The following SHANK2 variants were observed in gnomAD, a reference collection of about 807,000 sequenced individuals.
The protein encoded by SHANK2 is SH3 and multiple ankyrin repeat domains protein 2.
Under a neutral mutation model 133.7 loss-of-function variants are expected in SHANK2, and 43 were observed. That is an observed-to-expected ratio of 0.32 (90% CI 0.25 to 0.41). The LOEUF (loss-of-function observed/expected upper bound fraction) is 0.41. Among genes scored for constraint, SHANK2 ranks in the 10% least tolerant of loss-of-function variants. The pLI, the probability that SHANK2 is intolerant of heterozygous loss-of-function variation, is 1.00. For synonymous variants in SHANK2, 1,017 were observed against 952.8 expected (o/e 1.07, Z -1.24); for missense variants, 1,994 against 2,235.8 (o/e 0.89, Z 2.18).
chr11:70,545,371 T>C (rs1554976119), intron 17 of SHANK2, among the ~76,000 whole-genome samples: 1 of 152,144 alleles, frequency 6.6e-6, no homozygotes, highest in East Asian at 1.9e-4. Context: ...TTGCTGGCCC[T>C]GGGGTGGGGC....
At chr11:70,824,209 C>T (rs1948601480) in intron 11 of SHANK2, among the ~76,000 whole-genome samples, 2 of 151,952 alleles carry the variant, frequency 1.3e-5, no homozygotes, top group African/African-American at 4.8e-5. Context: ...ACAGGGCAGC[C>T]CTGGAGACAG....
intron 14 of SHANK2, among the ~76,000 whole-genome samples, chr11:70,774,090 A>G (rs1555043403): frequency 6.6e-6 from 1 of 152,246 alleles, no homozygotes; most frequent in Non-Finnish European, 1.5e-5. Context: ...GAAACAAAGT[A>G]TGGTATAACC....
chr11:71,074,618 G>A (rs895428253), intron 9 of SHANK2, among the ~76,000 whole-genome samples: 2 of 152,104 alleles, frequency 1.3e-5, no homozygotes, highest in African/African-American at 2.4e-5. Context: ...CAGACAATGC[G>A]AGCTATTTTG....
intron 11 of SHANK2, among the ~76,000 whole-genome samples, chr11:70,844,720 G>T (rs1475108667): frequency 6.6e-6 from 1 of 152,122 alleles, no homozygotes; most frequent in African/African-American, 2.4e-5. Flanking sequence ...TCAATAACAC[G>T]GCGGAGAACA....
At chr11:71,223,426 C>G (rs1180425289) in intron 2 of SHANK2, among the ~76,000 whole-genome samples, 1 of 152,184 alleles carries the variant, frequency 6.6e-6, no homozygotes, top group Non-Finnish European at 1.5e-5. Flanking sequence ...TGCATCTGTA[C>G]CGAACATGTA....
intron 3 of SHANK2, among the ~76,000 whole-genome samples, chr11:71,138,800 AAAAAAAAG>A (rs782259902): frequency 0.027 from 4,093 of 148,904 alleles, 174 homozygotes; most frequent in African/African-American, 0.096. Context: ...CAAAAAAAAA[AAAAAAAAG>A]AAAAGAAAAA....
chr11:70,540,317 C>T (rs967567438), intron 17 of SHANK2, among the ~76,000 whole-genome samples: 14 of 152,040 alleles, frequency 9.2e-5, no homozygotes, highest in Admixed American at 1.3e-4. Flanking sequence ...AACCAGCAAG[C>T]GGGGCGCCCA....
chr11:70,874,516 A>G (rs1438035156), intron 11 of SHANK2, among the ~76,000 whole-genome samples: 1 of 152,112 alleles, frequency 6.6e-6, no homozygotes, highest in East Asian at 1.9e-4. Flanking sequence ...TGGCAAAATT[A>G]TTTTCATTAA....
intron 17 of SHANK2, among the ~76,000 whole-genome samples, chr11:70,578,794 G>A (rs570915520): frequency 5.3e-5 from 8 of 152,282 alleles, no homozygotes; most frequent in African/African-American, 1.7e-4. Context: ...TTCTCAAAGG[G>A]GGATGATTGC....
chr11:70,661,085 C>T (rs2061480999), intron 16 of SHANK2, among the ~76,000 whole-genome samples: 1 of 152,222 alleles, frequency 6.6e-6, no homozygotes. Context: ...CATCTTGTCA[C>T]ATTTCCTTTG....
At chr11:70,650,595 C>T (rs990216074) in intron 17 of SHANK2, among the ~76,000 whole-genome samples, 23 of 152,182 alleles carry the variant, frequency 1.5e-4, no homozygotes, top group African/African-American at 5.3e-4. Context: ...CACTAACAAC[C>T]CAGGCCCCCA....
chr11:70,634,563 T>A (rs1555003273), intron 17 of SHANK2: 2 of 152,060 alleles, frequency 1.3e-5, no homozygotes, highest in African/African-American at 4.8e-5. Context: ...AAATCTAATT[T>A]AAAAATGGGC....
intron 17 of SHANK2, among the ~76,000 whole-genome samples, chr11:70,522,314 T>C (rs1400862617): frequency 1.3e-5 from 2 of 152,352 alleles, no homozygotes; most frequent in Non-Finnish European, 2.9e-5. Context: ...ATTTGATTGA[T>C]TGGCAGTGTC....
intron 3 of SHANK2, among the ~76,000 whole-genome samples, chr11:71,133,582 G>A (rs2135344762): frequency 6.6e-6 from 1 of 151,092 alleles, no homozygotes; most frequent in Non-Finnish European, 1.5e-5. Flanking sequence ...GATGTGGATG[G>A]ATTGGAGGGT....
At chr11:70,503,039 A>T in intron 17 of SHANK2, 108 bp from the exon 18 acceptor site, 1 of 1,178,588 alleles carries the variant, frequency 8.5e-7, no homozygotes, top group Non-Finnish European at 1.3e-6. Flanking sequence ...GGGCAAATGC[A>T]GGGAAGCAAA....
chr11:70,585,262 T>G (rs1196492859), intron 17 of SHANK2, among the ~76,000 whole-genome samples: 1 of 152,236 alleles, frequency 6.6e-6, no homozygotes, highest in Non-Finnish European at 1.5e-5. Context: ...CAAAGGGCAC[T>G]GCCAATGGGG....
Position 70,473,280 on chromosome 11 carries a change from C to T in SHANK2, c.5139G>A (p.Ser1713=), listed in dbSNP as rs782339041. The T allele has an allele frequency of 3.5e-5, 56 of 1,613,244 alleles. No homozygotes were observed. The highest frequency in any genetic ancestry group is 2.6e-4 in the South Asian group (24 of 91,050). Reference sequence around the variant, plus strand: ...GGGTCTCTTTGTTCATCTCTGTTGGCGAGACCACAGGGCTTGGGGCACGTC... The same window carrying T: ...GGGTCTCTTTGTTCATCTCTGTTGGTGAGACCACAGGGCTTGGGGCACGTC... ...GTRRAPSPVV[S]PTEMNKETLP... The change falls in exon 26 of 26, where the codon TCG becomes TCA. Residue 1713 remains serine (S), a synonymous_variant. Coordinates refer to ENST00000601538, the MANE Select transcript of SHANK2 (RefSeq NM_012309.5). This position sits in a 1 kb window ranked among gnomAD's most constrained non-coding sequence, Gnocchi z 5.9.
intron 14 of SHANK2, among the ~76,000 whole-genome samples, chr11:70,748,426 G>A (rs1946687335): frequency 6.6e-6 from 1 of 152,118 alleles, no homozygotes; most frequent in African/African-American, 2.4e-5. Flanking sequence ...CACAACCATG[G>A]TGGGTGCCTG....
chr11:70,585,675 C>T (rs1485312754), intron 17 of SHANK2, among the ~76,000 whole-genome samples: 3 of 151,906 alleles, frequency 2.0e-5, no homozygotes, highest in Admixed American at 6.6e-5. Context: ...ATCCACCCAC[C>T]CCACTACCCA....
Sources: gnomAD v4.1 joint callset for allele counts (sites outside exome capture counted in the v4.1 genomes callset) on GRCh38, gnomAD v4.1.1 for gene constraint, Gnocchi (gnomAD v3.1) non-coding constraint, MANE v1.5 for transcripts, NCBI Gene and HGNC (gene_info 2026-07-23, HGNC 2026-07-21) for gene names.